C1orf94: variants seen among roughly 807,000 people sequenced by gnomAD.
C1orf94 encodes chromosome 1 open reading frame 94.
A neutral mutation model predicts 53.6 loss-of-function variants in C1orf94; 45 were observed. The ratio of observed to expected loss-of-function variants is 0.84; its 90% CI spans 0.66 to 1.08. C1orf94 has a LOEUF of 1.08. Ranked by LOEUF, C1orf94 falls within the 50% of genes least tolerant of loss-of-function variation. The pLI, the probability that C1orf94 is intolerant of heterozygous loss-of-function variation, is 0.00. For missense variants in C1orf94, 762 were observed against 738.9 expected (o/e 1.03, Z -0.36); for synonymous variants, 304 against 296.1 (o/e 1.03, Z -0.27).
At chr1:34,190,814 C>T (rs1642469828) in intron 1 of C1orf94, among the ~76,000 whole-genome samples, 1 of 152,170 alleles carries the variant, frequency 6.6e-6, no homozygotes, top group Non-Finnish European at 1.5e-5. Flanking sequence ...GTGACTGTAC[C>T]TATCTGTGAC....
At chr1:34,212,879 C>G (rs1183640832) in intron 6 of C1orf94, among the ~76,000 whole-genome samples, 1 of 152,160 alleles carries the variant, frequency 6.6e-6, no homozygotes, top group East Asian at 1.9e-4. Flanking sequence ...GACTGCTTAT[C>G]AGGGCTGCCC....
rs1642241298 is a variant in C1orf94 at position 34,177,227 on chromosome 1, C to T, written c.-563C>T. On this transcript the variant is annotated 5_prime_UTR_variant, in exon 1 of 7. Coordinates refer to ENST00000488417, the MANE Select transcript of C1orf94 (RefSeq NM_001134734.2). ...GGGTAGGGCGAGAGAAAAGCAGGAC[C>T]TGGGCCGGGGGTGGGAGTCGGGCCG... 6.6e-6 allele frequency among the ~76,000 whole-genome samples: 1 copy of T among 152,094 alleles called. No individual in the cohort carries two copies. The highest frequency in any genetic ancestry group is 2.4e-5 in the African/African-American group (1 of 41,416).
intron 1 of C1orf94, among the ~76,000 whole-genome samples, chr1:34,195,292 A>C (rs980533120): frequency 6.6e-6 from 1 of 152,148 alleles, no homozygotes; most frequent in African/African-American, 2.4e-5. Context: ...GACCTCGCCC[A>C]ATGCTCCCAA....
chr1:34,203,027 A>C (rs1642737569), intron 4 of C1orf94, among the ~76,000 whole-genome samples: 1 of 152,264 alleles, frequency 6.6e-6, no homozygotes, highest in Non-Finnish European at 1.5e-5. Flanking sequence ...CTACATGCAA[A>C]TACTATGCCA....
chr1:34,208,056 A>G, intron 4 of C1orf94, 101 bp from the exon 5 acceptor site: 1 of 1,190,388 alleles, frequency 8.4e-7, no homozygotes, highest in Non-Finnish European at 1.2e-6. Flanking sequence ...CAGCAATGTG[A>G]TGGGACAAAC....
chr1:34,203,312 A>G (rs1278537454), intron 4 of C1orf94, among the ~76,000 whole-genome samples: 1 of 152,118 alleles, frequency 6.6e-6, no homozygotes, highest in East Asian at 1.9e-4. Context: ...TTTTTAGTAG[A>G]GACTGGGTTT....
At chr1:34,192,323 A>T (rs751549482) in intron 1 of C1orf94, among the ~76,000 whole-genome samples, 2 of 152,158 alleles carry the variant, frequency 1.3e-5, no homozygotes, top group Non-Finnish European at 2.9e-5. Context: ...ACCGCCTTGC[A>T]GAATTTGGGA....
intron 1 of C1orf94, among the ~76,000 whole-genome samples, chr1:34,170,260 A>G (rs762002252): frequency 3.3e-5 from 5 of 152,200 alleles, no homozygotes; most frequent in Non-Finnish European, 5.9e-5. Context: ...AACAAATATA[A>G]AGAAGAATAA....
At chr1:34,193,030 G>T (rs1406458541) in intron 1 of C1orf94, among the ~76,000 whole-genome samples, 1 of 152,174 alleles carries the variant, frequency 6.6e-6, no homozygotes, top group Non-Finnish European at 1.5e-5. Flanking sequence ...TCCTAGCTCT[G>T]CAGGCACGTA....
chr1:34,180,420 C>T (rs932980820), intron 1 of C1orf94, among the ~76,000 whole-genome samples: 12 of 152,210 alleles, frequency 7.9e-5, no homozygotes, highest in Non-Finnish European at 1.0e-4. Context: ...ATAATTATCA[C>T]ATTGTGCCAT....
At chr1:34,178,164 G>T (rs2148610824) in intron 1 of C1orf94, 55 bp downstream of exon 1, 1 of 1,500,334 alleles carries the variant, frequency 6.7e-7, no homozygotes, top group East Asian at 2.5e-5. Flanking sequence ...GATGAAGTCT[G>T]ACCTTCTGGG....
intron 1 of C1orf94, among the ~76,000 whole-genome samples, chr1:34,187,469 C>T (rs974442239): frequency 1.3e-5 from 2 of 151,974 alleles, no homozygotes; most frequent in African/African-American, 2.4e-5. Context: ...TTTATGGTTT[C>T]GGGAGCTGTG....
At chr1:34,204,558 T>G (rs1642763702) in intron 4 of C1orf94, among the ~76,000 whole-genome samples, 1 of 152,236 alleles carries the variant, frequency 6.6e-6, no homozygotes, top group African/African-American at 2.4e-5. Flanking sequence ...GCTGACTCCT[T>G]TACCAATATG....
intron 2 of C1orf94, among the ~76,000 whole-genome samples, chr1:34,200,300 G>A (rs1642678398): frequency 6.6e-6 from 1 of 152,170 alleles, no homozygotes. Flanking sequence ...TTCGCAGCCT[G>A]GCACTATGGA....
chr1:34,193,876 C>T (rs948264779), intron 1 of C1orf94, among the ~76,000 whole-genome samples: 8 of 152,174 alleles, frequency 5.3e-5, no homozygotes, highest in Non-Finnish European at 7.3e-5. Context: ...ACAGCTGGGG[C>T]GGGCCCATAT....
At chr1:34,194,364 G>C (rs1453443942) in intron 1 of C1orf94, among the ~76,000 whole-genome samples, 2 of 152,146 alleles carry the variant, frequency 1.3e-5, no homozygotes, top group African/African-American at 4.8e-5. Flanking sequence ...CTCAGCCCCT[G>C]GTAGTTCCTG....
Position 34,202,208 on chromosome 1 carries a change from C to T in C1orf94, c.1395C>T (p.Asn465=). The T allele has an allele frequency of 6.2e-7, 1 of 1,614,236 alleles. No individual in the cohort carries two copies. The highest frequency in any genetic ancestry group is 8.5e-7 in the Non-Finnish European group (1 of 1,180,038). The part of the protein sequence containing the change: ...TLNQPLWLNL[N]YPPPPVFTNH... ...ACCAGCCACTCTGGCTCAACCTGAA[C>T]TATCCACCTCCACCAGTGTTCACGA... Residue 465 remains asparagine (N), a synonymous_variant, in exon 4 of 7, where the codon AAC becomes AAT. Transcript: ENST00000488417.
intron 5 of C1orf94, among the ~76,000 whole-genome samples, chr1:34,209,523 G>A (rs1029706891): frequency 6.6e-6 from 1 of 152,104 alleles, no homozygotes; most frequent in Non-Finnish European, 1.5e-5. Context: ...GGCTGGCCTT[G>A]CTCCTCCACA....
intron 1 of C1orf94, among the ~76,000 whole-genome samples, chr1:34,186,917 G>C (rs1327039668): frequency 6.6e-6 from 1 of 152,176 alleles, no homozygotes; most frequent in Non-Finnish European, 1.5e-5. Flanking sequence ...CTGAGTTCCT[G>C]GCACTTGGTG....
Sources: allele counts gnomAD v4.1 joint callset (sites outside exome capture counted in the v4.1 genomes callset), GRCh38; gene constraint gnomAD v4.1.1; transcripts MANE v1.5; gene names NCBI Gene and HGNC (gene_info 2026-07-23, HGNC 2026-07-21).